The following TSPAN9 variants were observed in gnomAD, a reference collection of about 807,000 sequenced individuals.
The protein encoded by TSPAN9 is tetraspanin-9.
TSPAN9 carries 16 observed loss-of-function variants against 31.0 expected under a neutral mutation model. That is an observed-to-expected ratio of 0.52 (90% CI 0.35 to 0.78). The LOEUF (loss-of-function observed/expected upper bound fraction) is 0.78. Among genes scored for constraint, TSPAN9 ranks in the 30% least tolerant of loss-of-function variants. The pLI is 0.01. For synonymous variants in TSPAN9, 145 were observed against 121.6 expected (o/e 1.19, Z -1.27); for missense variants, 272 against 312.5 (o/e 0.87, Z 0.98).
chr12:3,229,475 T>C (rs2098389554), intron 3 of TSPAN9, among the ~76,000 whole-genome samples: 1 of 152,228 alleles, frequency 6.6e-6, no homozygotes. Context: ...AAATCCCATG[T>C]ATTCTCTCTC....
chr12:3,236,624 G>T (rs930402738), intron 3 of TSPAN9, among the ~76,000 whole-genome samples: 7 of 152,206 alleles, frequency 4.6e-5, no homozygotes, highest in African/African-American at 1.7e-4. Flanking sequence ...CTGAGAGACT[G>T]CGGCTTTCTG....
chr12:3,172,123 C>T lies in TSPAN9; in HGVS notation c.-17-29054C>T, dbSNP rs1187677741. The T allele has an allele frequency of 1.3e-5, 2 of 152,294 alleles. No homozygotes were observed. The highest frequency in any genetic ancestry group is 2.9e-5 in the Non-Finnish European group (2 of 68,078). 9.4% of individuals were successfully genotyped at this position (152,294 alleles called of 1,614,324 possible). On this transcript the variant is annotated intron_variant, in intron 2 of 8. Coordinates refer to ENST00000011898, the MANE Select transcript of TSPAN9 (RefSeq NM_006675.5). This position sits in a 1 kb window ranked among gnomAD's most constrained non-coding sequence, Gnocchi z 4.8. ...ACAGGGCATCTCCAGCGGCACAAAT[C>T]ACAGGGAAAATATCTCCCAGGCTTT...
At chr12:3,184,468 GAAA>G (rs916512885) in intron 2 of TSPAN9, among the ~76,000 whole-genome samples, 12 of 152,042 alleles carry the variant, frequency 7.9e-5, no homozygotes, top group African/African-American at 2.4e-4. Context: ...AGAAAAAAAA[GAAA>G]GAGTCCAAGG....
At chr12:3,248,707 G>C (rs1862186947) in intron 3 of TSPAN9, among the ~76,000 whole-genome samples, 1 of 151,846 alleles carries the variant, frequency 6.6e-6, no homozygotes, top group Admixed American at 6.6e-5. Context: ...TATGCCCCCT[G>C]CTCCCCAAAA....
chr12:3,271,386 C>T (rs1274437157), intron 3 of TSPAN9, among the ~76,000 whole-genome samples: 1 of 152,116 alleles, frequency 6.6e-6, no homozygotes, highest in Non-Finnish European at 1.5e-5. Context: ...AGAGCTGGGT[C>T]CTACCATAGC....
chr12:3,086,539 A>G (rs1036706905), intron 2 of TSPAN9, among the ~76,000 whole-genome samples: 2 of 152,194 alleles, frequency 1.3e-5, no homozygotes, highest in Non-Finnish European at 2.9e-5. Context: ...TGTTAGGAAC[A>G]GGAAAAGATC....
chr12:3,157,241 G>A (rs1239248386), intron 2 of TSPAN9, among the ~76,000 whole-genome samples: 3 of 151,768 alleles, frequency 2.0e-5, no homozygotes, highest in African/African-American at 4.8e-5. Flanking sequence ...CTGGGACTAC[G>A]GGTGCCCGCC....
In TSPAN9 at chr12:3,170,911, G is replaced by A. The variant is rs757272286; in HGVS notation, c.-17-30266G>A. ...CTCATTTCTTAAGCATTGCATCTGCGTCTCCACTTGGATGACTAATAGACG... is the reference window on the plus strand; with the variant it reads ...CTCATTTCTTAAGCATTGCATCTGCATCTCCACTTGGATGACTAATAGACG... On this transcript the variant is annotated intron_variant, in intron 2 of 8. Transcript: ENST00000011898. The surrounding 1 kb of genome is among the most constrained non-coding windows in gnomAD (Gnocchi z 4.4). 5.9e-5 allele frequency among the ~76,000 whole-genome samples: 9 copies of A among 152,070 alleles called. No homozygotes were observed. Among genetic ancestry groups the A allele is most frequent in the Non-Finnish European group, 1.2e-4 (8 of 68,026 alleles).
At chr12:3,209,577 C>T (rs976240937) in intron 3 of TSPAN9, among the ~76,000 whole-genome samples, 4 of 152,140 alleles carry the variant, frequency 2.6e-5, no homozygotes, top group African/African-American at 9.7e-5. Context: ...TGAGAGCACA[C>T]GTGACTCGCC....
intron 6 of TSPAN9, 146 bp from the exon 7 acceptor site, chr12:3,281,052 A>T (rs1427332011): frequency 1.5e-6 from 2 of 1,334,590 alleles, no homozygotes; most frequent in African/African-American, 3.0e-5. Context: ...CAAAGAAGGG[A>T]CAAGAAGCAA....
At chr12:3,167,182 G>C (rs1429531352) in intron 2 of TSPAN9, among the ~76,000 whole-genome samples, 1 of 152,116 alleles carries the variant, frequency 6.6e-6, no homozygotes, top group Non-Finnish European at 1.5e-5. Context: ...AAAAAAATAA[G>C]ATTCATCCAC....
chr12:3,080,422 G>A (rs1281534409), intron 1 of TSPAN9, among the ~76,000 whole-genome samples: 2 of 152,084 alleles, frequency 1.3e-5, no homozygotes, highest in African/African-American at 2.4e-5. Flanking sequence ...TGCAACCTCC[G>A]CCTCCCGGGT....
intron 3 of TSPAN9, among the ~76,000 whole-genome samples, chr12:3,224,091 T>A (rs12298963): frequency 0.03 from 3,976 of 130,514 alleles, 56 homozygotes; most frequent in African/African-American, 0.049. Context: ...AAAAAAAAAA[T>A]TTTTTTTCTG....
intron 3 of TSPAN9, among the ~76,000 whole-genome samples, chr12:3,238,022 C>G (rs1486662492): frequency 6.6e-6 from 1 of 152,170 alleles, no homozygotes; most frequent in Non-Finnish European, 1.5e-5. Flanking sequence ...GTGGATCCTT[C>G]TCTACCTTCC....
intron 3 of TSPAN9, among the ~76,000 whole-genome samples, chr12:3,208,050 A>G (rs757168731): frequency 5.3e-5 from 8 of 152,212 alleles, no homozygotes; most frequent in Non-Finnish European, 8.8e-5. Flanking sequence ...TGCTGTGTGC[A>G]TGATGCAGGT....
In TSPAN9 at chr12:3,150,538, C is replaced by T. The variant is rs116579048; in HGVS notation, c.-17-50639C>T. Among the ~76,000 whole-genome samples, 393 of 152,278 alleles carry T rather than the reference C, an allele frequency of 2.6e-3. 1 individual carries two copies. Among genetic ancestry groups the T allele is most frequent in the African/African-American group, 7.9e-3 (328 of 41,552 alleles). Reference sequence around the variant, plus strand: ...CTGAGGCTGATATATACGCACGTTGCTGCTGGTTCTTAGAATTAGAGATAT... The same window carrying T: ...CTGAGGCTGATATATACGCACGTTGTTGCTGGTTCTTAGAATTAGAGATAT... On this transcript the variant is annotated intron_variant, in intron 2 of 8. Transcript: ENST00000011898.
intron 8 of TSPAN9, 117 bp from the exon 9 acceptor site, chr12:3,282,928 C>T (rs1862925450): frequency 3.2e-6 from 3 of 940,594 alleles, no homozygotes; most frequent in Non-Finnish European, 4.9e-6. Flanking sequence ...TTTCCTGGCA[C>T]ACCAGTGGCC....
chr12:3,237,350 G>T (rs963185577), intron 3 of TSPAN9, among the ~76,000 whole-genome samples: 23 of 152,106 alleles, frequency 1.5e-4, no homozygotes, highest in African/African-American at 5.6e-4. Flanking sequence ...GCCCACCTAC[G>T]TGAAATGTGA....
At chr12:3,162,219 GC>G (rs200406265) in intron 2 of TSPAN9, among the ~76,000 whole-genome samples, 1,578 of 152,276 alleles carry the variant, frequency 0.01, 10 homozygotes, top group Non-Finnish European at 0.017. Context: ...ACTCGCTTCT[GC>G]CTTCCACCAT....
Sources: allele counts gnomAD v4.1 joint callset (sites outside exome capture counted in the v4.1 genomes callset), GRCh38; gene constraint gnomAD v4.1.1; non-coding constraint Gnocchi (gnomAD v3.1); transcripts MANE v1.5; gene names NCBI Gene and HGNC (gene_info 2026-07-23, HGNC 2026-07-21).